The following OR1L8 variants were observed in gnomAD, a reference collection of about 807,000 sequenced individuals.
The protein encoded by OR1L8 is olfactory receptor 1L8.
For missense variants in OR1L8, 330 were observed against 377.4 expected, an observed-to-expected ratio of 0.87 and a Z score of 1.04; for synonymous variants, 148 against 147.0, an observed-to-expected ratio of 1.01 and a Z score of -0.05.
Position 122,568,265 on chromosome 9 carries a change from A to G in OR1L8, c.213T>C (p.Asp71=), listed in dbSNP as rs1564200081. 1 of 1,614,106 alleles carries G rather than the reference A, an allele frequency of 6.2e-7. No homozygotes were observed. The highest frequency in any genetic ancestry group is 8.5e-7 in the Non-Finnish European group (1 of 1,179,952). The stretch of plus-strand genomic sequence containing the variant: ...GGACAACGCTTGTTGTAAAGCAAAT[A>G]TCAGTGAGAGACAGAAAACTCAAGA... ...YFFLSFLSLT[D]ICFTTSVVPK... The change falls in exon 5 of 5, where the codon GAT becomes GAC. Residue 71 remains aspartate (D), a synonymous_variant. Coordinates refer to ENST00000641027, the MANE Select transcript of OR1L8 (RefSeq NM_001004454.2).
At chr9:122,580,343 G>A (rs1310969214) in intron 1 of OR1L8, among the ~76,000 whole-genome samples, 1 of 152,022 alleles carries the variant, frequency 6.6e-6, no homozygotes, top group Non-Finnish European at 1.5e-5. Flanking sequence ...TCTAGCCTTC[G>A]ACGTACAGGA....
At chr9:122,581,717 C>T (rs35714364) in intron 1 of OR1L8, among the ~76,000 whole-genome samples, 8,700 of 152,040 alleles carry the variant, frequency 0.057, 342 homozygotes, top group Middle Eastern at 0.088. Flanking sequence ...GAGGCTGAGG[C>T]GGGTAGATCA....
chr9:122,558,378 C>A, the OR1L8 span, among the ~76,000 whole-genome samples: 1 of 106,822 alleles, frequency 9.4e-6, no homozygotes, highest in Non-Finnish European at 1.8e-5. Flanking sequence ...TTATCTCTCA[C>A]CTTTTGGATA....
chr9:122,581,684 T>C (rs76670655), intron 1 of OR1L8, among the ~76,000 whole-genome samples: 9,200 of 152,140 alleles, frequency 0.06, 387 homozygotes, highest in Middle Eastern at 0.099. Context: ...CAGTGGCTCA[T>C]GTCTGTAATC....
the OR1L8 span, among the ~76,000 whole-genome samples, chr9:122,560,959 A>G: frequency 6.6e-6 from 1 of 151,972 alleles, no homozygotes; most frequent in Non-Finnish European, 1.5e-5. Context: ...TCTTTCAGGT[A>G]CTCCAATCAA....
In OR1L8 at chr9:122,568,239, G is replaced by A; in HGVS notation, c.239C>T (p.Pro80Leu). ...TDICFTTSVVPKMLMNFLSEK... is the reference protein window; with the variant it reads ...TDICFTTSVVLKMLMNFLSEK... Reference sequence around the variant, plus strand: ...TGACAGGAAGTTCATCAGCATCTTGGGGACAACGCTTGTTGTAAAGCAAAT... The same window carrying A: ...TGACAGGAAGTTCATCAGCATCTTGAGGACAACGCTTGTTGTAAAGCAAAT... Residue 80 changes from proline (P) to leucine (L), a missense_variant, in exon 5 of 5, where the codon CCC becomes CTC. By Grantham distance (98) the Pro-to-Leu change is moderately conservative. Coordinates refer to ENST00000641027, the MANE Select transcript of OR1L8 (RefSeq NM_001004454.2). The A allele has an allele frequency of 6.2e-7, 1 of 1,614,056 alleles. No individual in the cohort carries two copies.
In OR1L8 at chr9:122,567,545, T is replaced by G; in HGVS notation, c.*3A>C. ...ACTTACGAGTTTTTCAAGAGGGTGC[T>G]TCCTAGGATCTCTTGCTCATAAGCT... is the stretch of plus-strand genomic sequence containing the variant. On this transcript the variant is annotated 3_prime_UTR_variant, in exon 5 of 5. Coordinates refer to ENST00000641027, the MANE Select transcript of OR1L8 (RefSeq NM_001004454.2). 1 of 1,553,506 alleles carries G rather than the reference T, an allele frequency of 6.4e-7. No homozygotes were observed. Among genetic ancestry groups the G allele is most frequent in the Non-Finnish European group, 8.7e-7 (1 of 1,153,926 alleles).
At chr9:122,582,232 A>G (rs1829747101) in intron 1 of OR1L8, among the ~76,000 whole-genome samples, 1 of 152,202 alleles carries the variant, frequency 6.6e-6, no homozygotes, top group African/African-American at 2.4e-5. Flanking sequence ...ACTTCTGAGA[A>G]GTATCAACGT....
At chr9:122,554,029 G>A in the OR1L8 span, 2 of 1,613,672 alleles carry the variant, frequency 1.2e-6, no homozygotes, top group East Asian at 2.2e-5. Context: ...TCTACAGAGA[G>A]GGAAAGTAGG....
At chr9:122,558,685 T>G in the OR1L8 span, among the ~76,000 whole-genome samples, 38 of 151,950 alleles carry the variant, frequency 2.5e-4, no homozygotes, top group African/African-American at 8.2e-4. Flanking sequence ...TAGATGGATA[T>G]ATGTATAAAT....
chr9:122,575,927 A>C (rs1374319363), intron 3 of OR1L8, among the ~76,000 whole-genome samples: 2 of 152,076 alleles, frequency 1.3e-5, no homozygotes, highest in Non-Finnish European at 2.9e-5. Context: ...CTATTGTTTC[A>C]TTCTCTATCC....
intron 4 of OR1L8, among the ~76,000 whole-genome samples, chr9:122,572,558 G>GT (rs1293882083): frequency 7.0e-6 from 1 of 142,476 alleles, no homozygotes; most frequent in Non-Finnish European, 1.5e-5. Flanking sequence ...TCATTGTTTT[G>GT]TTTTTTTGGT....
chr9:122,568,444 C>G lies in OR1L8; in HGVS notation c.34G>C (p.Glu12Gln). 1 of 1,608,462 alleles carries G rather than the reference C, an allele frequency of 6.2e-7. No individual in the cohort carries two copies. Residue 12 changes from glutamate to glutamine, a missense_variant, in exon 5 of 5, where the codon GAG becomes CAG. Glu to Gln is a conservative substitution (Grantham distance 29). Transcript: ENST00000641027. ...GAGGAGAGTCCCAGGAGGATAAACTCGGAGACACTGCTGGTGTGGTTGATT... is the reference window on the plus strand; with the variant it reads ...GAGGAGAGTCCCAGGAGGATAAACTGGGAGACACTGCTGGTGTGGTTGATT... ...ERINHTSSVS[E>Q]FILLGLSSRP...
At chr9:122,554,174 G>T in the OR1L8 span, 1 of 1,587,230 alleles carries the variant, frequency 6.3e-7, no homozygotes, top group South Asian at 1.1e-5. Context: ...TAGACATCTA[G>T]ACGGTGATGT....
the OR1L8 span, chr9:122,554,247 A>G: frequency 2.0e-6 from 2 of 1,021,010 alleles, no homozygotes; most frequent in African/African-American, 3.3e-5. Context: ...TGTCATGTTG[A>G]TATTAGGGGA....
At chr9:122,555,906 G>A in the OR1L8 span, among the ~76,000 whole-genome samples, 1 of 152,138 alleles carries the variant, frequency 6.6e-6, no homozygotes, top group Non-Finnish European at 1.5e-5. Flanking sequence ...GTTTACATTG[G>A]AGTTCATTCT....
chr9:122,577,149 A>G (rs767534484), intron 2 of OR1L8, among the ~76,000 whole-genome samples: 4 of 152,230 alleles, frequency 2.6e-5, no homozygotes, highest in Non-Finnish European at 5.9e-5. Context: ...TGTTATAAAC[A>G]TTAAAAATAT....
downstream of OR1L8, among the ~76,000 whole-genome samples, chr9:122,563,838 G>A (rs1402371460): frequency 6.6e-6 from 1 of 150,896 alleles, no homozygotes; most frequent in Non-Finnish European, 1.5e-5. Context: ...CACATATTCA[G>A]TTTTTATAAC....
chr9:122,555,892 T>C, the OR1L8 span, among the ~76,000 whole-genome samples: 87,025 of 152,096 alleles, frequency 0.57, 25,415 homozygotes, highest in East Asian at 0.97. Flanking sequence ...ACCCAAAGTC[T>C]ATAGTTTACA....
Sources: gnomAD v4.1 joint callset for allele counts (sites outside exome capture counted in the v4.1 genomes callset) on GRCh38, gnomAD v4.1.1 for gene constraint, MANE v1.5 for transcripts, NCBI Gene and HGNC (gene_info 2026-07-23, HGNC 2026-07-21) for gene names.